FAM193A: variants seen among roughly 807,000 people sequenced by gnomAD.
The protein encoded by FAM193A is protein FAM193A.
A neutral mutation model predicts 126.5 loss-of-function variants in FAM193A; 22 were observed. The ratio of observed to expected loss-of-function variants is 0.17; its 90% CI spans 0.12 to 0.25. The LOEUF (loss-of-function observed/expected upper bound fraction) is 0.25, where lower values mean the gene tolerates loss of function less well. Among genes scored for constraint, FAM193A ranks in the 10% least tolerant of loss-of-function variants. The pLI, the probability that FAM193A is intolerant of heterozygous loss-of-function variation, is 1.00. For missense variants in FAM193A, 1,675 were observed against 1,672.8 expected, an observed-to-expected ratio of 1.00 and a Z score of -0.02; for synonymous variants, 761 against 646.8, an observed-to-expected ratio of 1.18 and a Z score of -2.68.
At chr4:2,708,013 G>C (rs963962293) in intron 19 of FAM193A, 1 of 296,718 alleles carries the variant, frequency 3.4e-6, no homozygotes, top group Non-Finnish European at 7.0e-6. Context: ...GCCTCCCAAA[G>C]TGCTGGGATT....
At chr4:2,597,833 C>T (rs111398194) in intron 2 of FAM193A, among the ~76,000 whole-genome samples, 35 of 152,234 alleles carry the variant, frequency 2.3e-4, no homozygotes, top group Admixed American at 1.2e-3. Flanking sequence ...ACATTTGCAT[C>T]ACCCCATAAA....
At chr4:2,603,229 C>T (rs1298743659) in intron 2 of FAM193A, among the ~76,000 whole-genome samples, 1 of 149,428 alleles carries the variant, frequency 6.7e-6, no homozygotes, top group Non-Finnish European at 1.5e-5. Context: ...TCGTGACCTG[C>T]CCACCTCGGC....
intron 7 of FAM193A, among the ~76,000 whole-genome samples, chr4:2,657,561 TTTCTC>T (rs1212014158): frequency 6.6e-6 from 1 of 152,330 alleles, no homozygotes; most frequent in East Asian, 1.9e-4. Context: ...AATATCTTGA[TTTCTC>T]TTTTTACTGT....
At chr4:2,640,026 C>G (rs1744459311) in intron 6 of FAM193A, among the ~76,000 whole-genome samples, 167 bp downstream of exon 6, 1 of 145,166 alleles carries the variant, frequency 6.9e-6, no homozygotes, top group African/African-American at 2.4e-5. Context: ...ACCTGAGAAG[C>G]AATACAATTA....
chr4:2,661,288 G>C (rs1184802106), intron 10 of FAM193A, among the ~76,000 whole-genome samples: 1 of 152,178 alleles, frequency 6.6e-6, no homozygotes, highest in Non-Finnish European at 1.5e-5. Flanking sequence ...CTTTTCATTT[G>C]TATTGTCTCT....
rs111975047 is a variant in FAM193A at position 2,658,313 on chromosome 4, C to A, written c.1389+433C>A. 1.6e-4 allele frequency among the ~76,000 whole-genome samples: 24 copies of A among 152,292 alleles called. 1 individual carries two copies. Among genetic ancestry groups the A allele is most frequent in the African/African-American group, 5.5e-4 (23 of 41,566 alleles). On this transcript the variant is annotated intron_variant, in intron 8 of 20. Coordinates refer to ENST00000637812, the MANE Select transcript of FAM193A (RefSeq NM_001366318.2). ...CAGACAGAGCGCTCAGATCTCCAGA[C>A]ATTGCCAGGTGCCATGCCTTCAACA...
intron 1 of FAM193A, among the ~76,000 whole-genome samples, chr4:2,579,389 T>TG (rs2108875070): frequency 6.6e-6 from 1 of 150,504 alleles, no homozygotes; most frequent in Admixed American, 6.6e-5. Context: ...ATCCTAGCAG[T>TG]TACAAAGTGC....
At chr4:2,607,745 G>A (rs111469943) in intron 2 of FAM193A, 28 of 455,040 alleles carry the variant, frequency 6.2e-5, no homozygotes, top group African/African-American at 4.4e-4. Context: ...TCTAGGCTAT[G>A]CTGGACCATC....
intron 1 of FAM193A, among the ~76,000 whole-genome samples, chr4:2,573,684 G>T (rs954261068): frequency 6.6e-6 from 1 of 152,154 alleles, no homozygotes; most frequent in African/African-American, 2.4e-5. Context: ...TCTGCTGGGA[G>T]CCTACCTGTC....
At chr4:2,695,292 T>G (rs1387295982) in intron 17 of FAM193A, 163 bp downstream of exon 17, 5 of 605,588 alleles carry the variant, frequency 8.3e-6, no homozygotes, top group African/African-American at 1.9e-5. Flanking sequence ...TTAGCCATAA[T>G]GATTTTTTTT....
Position 2,687,277 on chromosome 4 carries a change from C to G in FAM193A, c.2332-2229C>G, listed in dbSNP as rs373612557. On this transcript the variant is annotated intron_variant, in intron 13 of 20. Transcript: ENST00000637812. ...ATAAGTAGTCTCTATATAGTAGTCT[C>G]TAAGACTATTGTCCTAGAAAATCAA... Among the ~76,000 whole-genome samples the G allele has an allele frequency of 2.0e-5, 3 of 152,176 alleles. No individual in the cohort carries two copies. The East Asian group carries it at 5.8e-4, about 29-fold the overall frequency.
intron 13 of FAM193A, 97 bp downstream of exon 13, chr4:2,672,469 A>C (rs1179513090): frequency 1.1e-5 from 14 of 1,318,196 alleles, no homozygotes; most frequent in Non-Finnish European, 1.5e-5. Flanking sequence ...AGCAACTTGC[A>C]TAGGATAGCA....
intron 1 of FAM193A, among the ~76,000 whole-genome samples, chr4:2,538,856 C>G (rs1346646551): frequency 6.6e-6 from 1 of 151,930 alleles, no homozygotes. Flanking sequence ...TTTACATTTG[C>G]TTTGCAATAC....
chr4:2,591,277 G>A (rs1577048517), intron 1 of FAM193A, among the ~76,000 whole-genome samples: 1 of 152,170 alleles, frequency 6.6e-6, no homozygotes, highest in African/African-American at 2.4e-5. Flanking sequence ...GTGTGGAACT[G>A]TAAGGAGTTT....
chr4:2,653,188 C>A (rs17824835), intron 7 of FAM193A, among the ~76,000 whole-genome samples: 3,808 of 152,224 alleles, frequency 0.025, 54 homozygotes, highest in South Asian at 0.057. Flanking sequence ...ACTGAAAAAT[C>A]CTTTGGGAAT....
intron 20 of FAM193A, among the ~76,000 whole-genome samples, chr4:2,731,183 C>T (rs552663592): frequency 5.9e-5 from 7 of 119,226 alleles, no homozygotes; most frequent in South Asian, 5.3e-4. Flanking sequence ...ATGACAAGAG[C>T]GAAACTCCTT....
chr4:2,560,596 T>TA (rs1738551376), intron 1 of FAM193A, among the ~76,000 whole-genome samples: 3 of 152,218 alleles, frequency 2.0e-5, no homozygotes, highest in Admixed American at 2.0e-4. Context: ...TTTTCCAAAG[T>TA]TAACTGCGTG....
intron 1 of FAM193A, among the ~76,000 whole-genome samples, chr4:2,544,614 G>A (rs965089699): frequency 1.3e-5 from 2 of 152,144 alleles, no homozygotes; most frequent in African/African-American, 4.8e-5. Flanking sequence ...TGAGGCAGGA[G>A]AATTGCTTGA....
chr4:2,667,417 T>C (rs1294478731), intron 12 of FAM193A, among the ~76,000 whole-genome samples: 1 of 152,232 alleles, frequency 6.6e-6, no homozygotes, highest in East Asian at 1.9e-4. Flanking sequence ...GAGAGAGGCA[T>C]ATTGAAGCCT....
Sources: gnomAD v4.1 joint callset for allele counts (sites outside exome capture counted in the v4.1 genomes callset) on GRCh38, gnomAD v4.1.1 for gene constraint, MANE v1.5 for transcripts, NCBI Gene and HGNC (gene_info 2026-07-23, HGNC 2026-07-21) for gene names.